CFAP77: variants seen among roughly 807,000 people sequenced by gnomAD.
CFAP77 encodes cilia and flagella associated protein 77.
A neutral mutation model predicts 31.1 loss-of-function variants in CFAP77; 25 were observed. That is an observed-to-expected ratio of 0.80 (90% CI 0.59 to 1.12). The LOEUF (loss-of-function observed/expected upper bound fraction) is 1.12. Among genes scored for constraint, CFAP77 ranks in the 50% most tolerant of loss-of-function variants. The pLI is 0.00. For synonymous variants in CFAP77, 151 were observed against 159.9 expected, an observed-to-expected ratio of 0.94 and a Z score of 0.42; for missense variants, 377 against 397.3, an observed-to-expected ratio of 0.95 and a Z score of 0.44.
chr9:132,438,273 T>C (rs925133954), intron 1 of CFAP77, among the ~76,000 whole-genome samples: 3 of 150,916 alleles, frequency 2.0e-5, no homozygotes, highest in Non-Finnish European at 4.4e-5. Context: ...TATTGCATTG[T>C]CTTTATATAA....
At chr9:132,473,927 C>A (rs933862235) in intron 1 of CFAP77, among the ~76,000 whole-genome samples, 2 of 152,190 alleles carry the variant, frequency 1.3e-5, no homozygotes, top group Admixed American at 6.5e-5. Context: ...AGGTGATCCA[C>A]CTGCCTCGGC....
In CFAP77 at chr9:132,447,945, T is replaced by C. The variant is rs1012577610; in HGVS notation, c.195+37479T>C. Among the ~76,000 whole-genome samples the C allele has an allele frequency of 2.6e-5, 4 of 152,286 alleles. No homozygotes were observed. The South Asian group carries it at 8.3e-4, about 32-fold the overall frequency. ...TATTTGTTTTACAGCAGCCGCTGTA[T>C]TATGCAGTTAGGGGCTGCCAGGGGA... On this transcript the variant is annotated intron_variant, in intron 1 of 5. Coordinates refer to ENST00000393216, the MANE Select transcript of CFAP77 (RefSeq NM_001282957.2).
rs183237097 is a variant in CFAP77 at position 132,565,546 on chromosome 9, G to A, written c.733-6842G>A. Reference sequence around the variant, plus strand: ...CTCGGGAGGCTGAGGAAGGAGGATCGCTTGAACCCGGGAGGCAGAGTTTGC... The same window carrying A: ...CTCGGGAGGCTGAGGAAGGAGGATCACTTGAACCCGGGAGGCAGAGTTTGC... On this transcript the variant is annotated intron_variant, in intron 5 of 5. Coordinates refer to ENST00000393216, the MANE Select transcript of CFAP77 (RefSeq NM_001282957.2). This position sits in a 1 kb window ranked among gnomAD's most constrained non-coding sequence, Gnocchi z 4.1. Among the ~76,000 whole-genome samples, 5 of 152,084 alleles carry A rather than the reference G, an allele frequency of 3.3e-5. No individual in the cohort carries two copies. The highest frequency in any genetic ancestry group is 4.8e-5 in the African/African-American group (2 of 41,496).
intron 1 of CFAP77, among the ~76,000 whole-genome samples, chr9:132,450,939 A>G (rs1046034285): frequency 6.6e-6 from 1 of 152,184 alleles, no homozygotes; most frequent in African/African-American, 2.4e-5. Context: ...AGTATGGAAG[A>G]TGAGGAAGAG....
chr9:132,420,965 G>T (rs1256322094), intron 1 of CFAP77, among the ~76,000 whole-genome samples: 1 of 147,988 alleles, frequency 6.8e-6, no homozygotes, highest in Non-Finnish European at 1.5e-5. Context: ...GAAAGGAGAT[G>T]AGGAAAGCTC....
chr9:132,558,069 GT>G (rs1852931598), intron 5 of CFAP77, among the ~76,000 whole-genome samples: 1 of 152,128 alleles, frequency 6.6e-6, no homozygotes, highest in Non-Finnish European at 1.5e-5. Context: ...TGTAACAGAG[GT>G]TGGCCATCAG....
intron 1 of CFAP77, among the ~76,000 whole-genome samples, chr9:132,440,206 A>T (rs1215591646): frequency 1.3e-5 from 2 of 151,976 alleles, no homozygotes; most frequent in Non-Finnish European, 2.9e-5. Flanking sequence ...GCATGGTTGC[A>T]CATGCCTGTA....
chr9:132,446,162 T>C lies in CFAP77; in HGVS notation c.195+35696T>C, dbSNP rs182155407. On this transcript the variant is annotated intron_variant, in intron 1 of 5. Coordinates refer to ENST00000393216, the MANE Select transcript of CFAP77 (RefSeq NM_001282957.2). ...TTTGCTCACAGGCATGGTGAGCACA[T>C]GAGAACTTGATCCATGAGATATTTT... Among the ~76,000 whole-genome samples the C allele has an allele frequency of 1.7e-3, 257 of 152,140 alleles. 1 individual carries two copies. Among genetic ancestry groups the C allele is most frequent in the African/African-American group, 5.6e-3 (231 of 41,500 alleles).
chr9:132,536,822 G>A (rs1173249522), intron 3 of CFAP77, among the ~76,000 whole-genome samples: 4 of 152,176 alleles, frequency 2.6e-5, no homozygotes, highest in Admixed American at 1.3e-4. Flanking sequence ...GTGGCTGAGC[G>A]GGTCTGCCTT....
At chr9:132,546,312 G>T (rs1852728417) in intron 5 of CFAP77, among the ~76,000 whole-genome samples, 1 of 152,224 alleles carries the variant, frequency 6.6e-6, no homozygotes, top group African/African-American at 2.4e-5. Flanking sequence ...TGTCTGTGGT[G>T]TCTGTCACGT....
intron 3 of CFAP77, among the ~76,000 whole-genome samples, chr9:132,503,219 C>T (rs1226714715): frequency 6.6e-6 from 1 of 152,218 alleles, no homozygotes; most frequent in African/African-American, 2.4e-5. Flanking sequence ...CAAGGCATCC[C>T]CTGTGACTTT....
intron 1 of CFAP77, among the ~76,000 whole-genome samples, chr9:132,413,791 C>T (rs775803644): frequency 1.3e-5 from 2 of 152,142 alleles, no homozygotes; most frequent in Admixed American, 6.5e-5. Flanking sequence ...TTTATGGAAT[C>T]GAGCACCCTT....
chr9:132,504,979 C>T (rs770184317), intron 3 of CFAP77, among the ~76,000 whole-genome samples: 4 of 152,290 alleles, frequency 2.6e-5, no homozygotes, highest in East Asian at 3.9e-4. Flanking sequence ...CGATTACACC[C>T]GACAGAGGAG....
intron 1 of CFAP77, among the ~76,000 whole-genome samples, chr9:132,426,165 A>G (rs1415079275): frequency 2.6e-5 from 4 of 152,090 alleles, no homozygotes; most frequent in Non-Finnish European, 5.9e-5. Flanking sequence ...CTGCCACCCA[A>G]TGTTATCTTT....
chr9:132,450,044 C>G (rs1850798330), intron 1 of CFAP77, among the ~76,000 whole-genome samples: 1 of 152,152 alleles, frequency 6.6e-6, no homozygotes, highest in African/African-American at 2.4e-5. Flanking sequence ...TCCTGAGTAG[C>G]TGGGACTACT....
At chr9:132,493,561 G>A (rs754985545) in intron 1 of CFAP77, among the ~76,000 whole-genome samples, 22 of 152,308 alleles carry the variant, frequency 1.4e-4, no homozygotes, top group Admixed American at 4.6e-4. Flanking sequence ...CCTGGGGGAG[G>A]GCAGCAGGCT....
intron 1 of CFAP77, among the ~76,000 whole-genome samples, chr9:132,468,780 C>T (rs1208985698): frequency 5.4e-5 from 6 of 110,190 alleles, no homozygotes; most frequent in Admixed American, 4.5e-4. Flanking sequence ...AAAGAATAAG[C>T]ACACACACAC....
chr9:132,505,706 C>CG (rs1273053487), intron 3 of CFAP77, among the ~76,000 whole-genome samples: 3 of 152,252 alleles, frequency 2.0e-5, no homozygotes, highest in African/African-American at 7.2e-5. Flanking sequence ...GATCTGCGCT[C>CG]TGCCTGGCTC....
At chr9:132,482,321 G>A (rs111583413) in intron 1 of CFAP77, 19 of 1,613,172 alleles carry the variant, frequency 1.2e-5, no homozygotes, top group African/African-American at 5.3e-5. Context: ...CTGCCGGCCC[G>A]GCCTCGGTGG....
Sources: gnomAD v4.1 joint callset for allele counts (sites outside exome capture counted in the v4.1 genomes callset) on GRCh38, gnomAD v4.1.1 for gene constraint, Gnocchi (gnomAD v3.1) non-coding constraint, MANE v1.5 for transcripts, NCBI Gene and HGNC (gene_info 2026-07-23, HGNC 2026-07-21) for gene names.